HTR2C: variants seen among roughly 807,000 people sequenced by gnomAD.
HTR2C encodes 5-hydroxytryptamine (serotonin) receptor 2C, G protein-coupled.
Under a neutral mutation model 21.0 loss-of-function variants are expected in HTR2C, and 5 were observed. The ratio of observed to expected loss-of-function variants is 0.24; its 90% CI spans 0.12 to 0.50. The LOEUF is 0.50. HTR2C is among the 20% of genes least tolerant of loss of function. The probability of loss-of-function intolerance (pLI) is 0.98; values close to 1 mark genes in which losing one functional copy is unlikely to be tolerated. For synonymous variants in HTR2C, 150 were observed against 145.3 expected (o/e 1.03, Z -0.23); for missense variants, 271 against 371.2 (o/e 0.73, Z 2.22).
chrX:114,604,896 A>G (rs1237011848), intron 1 of HTR2C, among the ~76,000 whole-genome samples: 12 of 110,948 alleles, frequency 1.1e-4, no homozygotes, highest in Admixed American at 9.6e-4. Context: ...ACTTTTTTCT[A>G]TTATTGTACA....
intron 5 of HTR2C, 36 bp from the exon 6 acceptor site, chrX:114,906,553 A>C: frequency 2.0e-6 from 2 of 1,008,705 alleles, no homozygotes; most frequent in Non-Finnish European, 2.7e-6. Context: ...GTCCTTCAAG[A>C]TGCTATAACA....
At chrX:114,852,788 T>TGTGTGC (rs2070929396) in intron 5 of HTR2C, among the ~76,000 whole-genome samples, 2 of 92,300 alleles carry the variant, frequency 2.2e-5, no homozygotes, top group Non-Finnish European at 4.5e-5. Context: ...TGTGTGTGTG[T>TGTGTGC]GTGTCCTTTG....
chrX:114,585,807 C>A (rs1556389465), intron 1 of HTR2C, among the ~76,000 whole-genome samples: 1 of 110,563 alleles, frequency 9.0e-6, no homozygotes, highest in African/African-American at 3.3e-5. Flanking sequence ...AAGTCCCATC[C>A]AAGGAAGCCT....
At chrX:114,870,170 C>A (rs1032938317) in intron 5 of HTR2C, among the ~76,000 whole-genome samples, 3 of 109,492 alleles carry the variant, frequency 2.7e-5, no homozygotes, top group Non-Finnish European at 5.7e-5. Context: ...TCATTGCAAC[C>A]TCTGCCTCCC....
chrX:114,771,973 A>G (rs2070008557), intron 4 of HTR2C, among the ~76,000 whole-genome samples: 1 of 112,285 alleles, frequency 8.9e-6, no homozygotes, highest in African/African-American at 3.2e-5. Flanking sequence ...GTCCCCACTC[A>G]ACTGGCTGGT....
chrX:114,752,813 C>T (rs781889887), intron 4 of HTR2C, among the ~76,000 whole-genome samples: 30 of 110,276 alleles, frequency 2.7e-4, no homozygotes, highest in African/African-American at 9.2e-4. Context: ...AGTCAATTTT[C>T]GGAACCCAAG....
chrX:114,606,694 A>C (rs188567987), intron 1 of HTR2C, among the ~76,000 whole-genome samples: 11 of 111,980 alleles, frequency 9.8e-5, no homozygotes, highest in Non-Finnish European at 1.1e-4. Context: ...GTCTGAGGAC[A>C]TGAGGTCATA....
intron 5 of HTR2C, among the ~76,000 whole-genome samples, chrX:114,889,374 T>C (rs2147526025): frequency 8.9e-6 from 1 of 111,814 alleles, no homozygotes; most frequent in Admixed American, 9.5e-5. Flanking sequence ...GGGCTTCCCT[T>C]ACTTGCACAG....
chrX:114,616,200 A>ACAT (rs1467478757), intron 2 of HTR2C, among the ~76,000 whole-genome samples: 11 of 110,650 alleles, frequency 9.9e-5, no homozygotes, highest in Non-Finnish European at 1.9e-4. Flanking sequence ...TAATGTGTAT[A>ACAT]CATCTACAGC....
At chrX:114,802,107 T>C (rs2070352198) in intron 4 of HTR2C, among the ~76,000 whole-genome samples, 1 of 111,219 alleles carries the variant, frequency 9.0e-6, no homozygotes, top group South Asian at 3.7e-4. Flanking sequence ...TCTTGCATCA[T>C]TTTTTCAAGA....
intron 2 of HTR2C, among the ~76,000 whole-genome samples, chrX:114,646,278 T>A (rs1470207614): frequency 1.4e-4 from 16 of 111,903 alleles, no homozygotes; most frequent in Non-Finnish European, 1.5e-4. Flanking sequence ...TCATTCTATT[T>A]TTAGTGCATA....
intron 4 of HTR2C, among the ~76,000 whole-genome samples, chrX:114,820,985 A>G (rs1294885135): frequency 8.9e-6 from 1 of 111,749 alleles, no homozygotes; most frequent in East Asian, 2.8e-4. Flanking sequence ...TGCAGAGTGA[A>G]CTGTTTGAAT....
intron 5 of HTR2C, among the ~76,000 whole-genome samples, chrX:114,865,179 G>A (rs1461207430): frequency 9.0e-6 from 1 of 111,276 alleles, no homozygotes; most frequent in Non-Finnish European, 1.9e-5. Flanking sequence ...TTTGTAAATG[G>A]CTTCTTTCAC....
intron 3 of HTR2C, among the ~76,000 whole-genome samples, chrX:114,728,742 C>A (rs1221754740): frequency 9.0e-6 from 1 of 111,089 alleles, no homozygotes; most frequent in Non-Finnish European, 1.9e-5. Flanking sequence ...TGAAACAGTC[C>A]AAACTCAAAG....
At chrX:114,694,363 C>T (rs1265421749) in intron 2 of HTR2C, among the ~76,000 whole-genome samples, 1 of 107,209 alleles carries the variant, frequency 9.3e-6, no homozygotes. Context: ...AAAATACATT[C>T]CATCTACTTG....
intron 2 of HTR2C, among the ~76,000 whole-genome samples, chrX:114,706,966 T>G (rs1009683416): frequency 9.0e-6 from 1 of 110,636 alleles, no homozygotes; most frequent in Middle Eastern, 4.7e-3. Flanking sequence ...CTTAAGAAAA[T>G]TTAAGATTGT....
chrX:114,623,662 C>T (rs1929251956), intron 2 of HTR2C, among the ~76,000 whole-genome samples: 1 of 111,144 alleles, frequency 9.0e-6, no homozygotes, highest in African/African-American at 3.3e-5. Context: ...TTTCAAGTGC[C>T]TGTGATCAGG....
chrX:114,672,253 A>G (rs781804124), intron 2 of HTR2C, among the ~76,000 whole-genome samples: 31 of 111,550 alleles, frequency 2.8e-4, no homozygotes, highest in Non-Finnish European at 5.5e-4. Context: ...TTACATGGGT[A>G]TGGTGAAACA....
chrX:114,727,264 A>C (rs2069491629), intron 3 of HTR2C, among the ~76,000 whole-genome samples: 1 of 112,347 alleles, frequency 8.9e-6, no homozygotes, highest in Admixed American at 9.4e-5. Flanking sequence ...TCCATGGGTA[A>C]AACTTAGAAA....
Sources: gnomAD v4.1 joint callset for allele counts (sites outside exome capture counted in the v4.1 genomes callset) on GRCh38, gnomAD v4.1.1 for gene constraint, MANE v1.5 for transcripts, NCBI Gene and HGNC (gene_info 2026-07-23, HGNC 2026-07-21) for gene names.